The following TPTE variants were observed in gnomAD, a reference collection of about 807,000 sequenced individuals.
TPTE encodes the protein transmembrane phosphatase with tensin homology.
In TPTE, 59 loss-of-function variants were observed where a neutral mutation model predicts 84.1. That is an observed-to-expected ratio of 0.70 (90% CI 0.57 to 0.87). TPTE has a LOEUF of 0.87. TPTE is among the 40% of genes least tolerant of loss of function. The pLI is 0.00. For synonymous variants in TPTE, 130 were observed against 223.5 expected, an observed-to-expected ratio of 0.58 and a Z score of 3.73; for missense variants, 382 against 659.6, an observed-to-expected ratio of 0.58 and a Z score of 4.61.
chr21:10,594,357 A>G (rs1434600150), intron 19 of TPTE, among the ~76,000 whole-genome samples: 7 of 152,310 alleles, frequency 4.6e-5, no homozygotes, highest in Non-Finnish European at 7.3e-5. Flanking sequence ...ACTTTGCATC[A>G]TTCTCTAGTT....
At chr21:10,525,759 C>A (rs1045627271) in intron 2 of TPTE, among the ~76,000 whole-genome samples, 1 of 152,310 alleles carries the variant, frequency 6.6e-6, no homozygotes, top group African/African-American at 2.4e-5. Context: ...TATTCATGTC[C>A]CATGAGGGAA....
At chr21:10,552,041 C>CT (rs765772275) in intron 7 of TPTE, among the ~76,000 whole-genome samples, 498 of 152,166 alleles carry the variant, frequency 3.3e-3, no homozygotes, top group Non-Finnish European at 2.6e-3. Flanking sequence ...CTCAGCCACT[C>CT]TGACCATTGG....
chr21:10,576,403 G>A (rs2075150498), intron 14 of TPTE: 2 of 202,014 alleles, frequency 9.9e-6, no homozygotes, highest in South Asian at 7.7e-5. Context: ...GTCTCTTCAG[G>A]TGGAAGACAG....
intron 1 of TPTE, among the ~76,000 whole-genome samples, chr21:10,522,323 G>A (rs1452711149): frequency 1.3e-5 from 2 of 149,574 alleles, no homozygotes; most frequent in African/African-American, 4.9e-5. Context: ...GGGGTGCGGG[G>A]TTCCCTGAGT....
intron 20 of TPTE, among the ~76,000 whole-genome samples, chr21:10,597,370 G>A (rs554234931): frequency 6.6e-6 from 1 of 152,222 alleles, no homozygotes; most frequent in Non-Finnish European, 1.5e-5. Context: ...AGCAAGAAAG[G>A]TTGCAAAGGT....
chr21:10,559,169 T>G (rs1176348531), intron 8 of TPTE, among the ~76,000 whole-genome samples: 1 of 152,312 alleles, frequency 6.6e-6, no homozygotes, highest in East Asian at 1.9e-4. Flanking sequence ...TACCACCCTT[T>G]TCTGTCTTCA....
intron 7 of TPTE, among the ~76,000 whole-genome samples, chr21:10,550,189 A>T (rs1175949588): frequency 1.3e-5 from 2 of 152,308 alleles, no homozygotes; most frequent in East Asian, 3.8e-4. Context: ...GGAAGTAAAA[A>T]GATGATAACC....
chr21:10,535,270 T>C (rs2074247776), intron 3 of TPTE, among the ~76,000 whole-genome samples: 2 of 152,306 alleles, frequency 1.3e-5, no homozygotes, highest in Non-Finnish European at 2.9e-5. Context: ...ACCCATGAAA[T>C]GTGAATTAGA....
intron 14 of TPTE, among the ~76,000 whole-genome samples, chr21:10,571,013 TCAC>T (rs1283953459): frequency 1.3e-5 from 2 of 152,426 alleles, no homozygotes; most frequent in African/African-American, 4.8e-5. Flanking sequence ...CCCACCCCCT[TCAC>T]CAGCAGAGCC....
chr21:10,562,855 A>G (rs1474163462), intron 10 of TPTE, among the ~76,000 whole-genome samples: 1 of 152,310 alleles, frequency 6.6e-6, no homozygotes, highest in African/African-American at 2.4e-5. Context: ...AGGGATGGTA[A>G]CAGAACATCC....
chr21:10,572,004 CAAAAA>C (rs59120761), intron 14 of TPTE, among the ~76,000 whole-genome samples: 19 of 145,740 alleles, frequency 1.3e-4, no homozygotes, highest in East Asian at 1.2e-3. Context: ...TACCCTGTCT[CAAAAA>C]AAAAAAAAAA....
intron 21 of TPTE, among the ~76,000 whole-genome samples, chr21:10,599,445 T>A (rs1448905758): frequency 6.6e-6 from 1 of 152,308 alleles, no homozygotes; most frequent in Non-Finnish European, 1.5e-5. Context: ...ACACACTGTG[T>A]GCCTGTAGTC....
chr21:10,554,079 A>T lies in TPTE; in HGVS notation c.233+1363A>T, dbSNP rs556879225. On this transcript the variant is annotated intron_variant, in intron 8 of 23. Transcript: ENST00000618007. ...CTTTAAGCATATACTTTTTTTGTTT[A>T]CAGATATGAGACCATACTTATTCTT... Among the ~76,000 whole-genome samples the T allele has an allele frequency of 2.0e-5, 3 of 152,416 alleles. No homozygotes were observed. In the East Asian group the frequency reaches 5.8e-4, roughly 29 times the overall value.
chr21:10,542,681 A>C (rs2074392839), intron 6 of TPTE, among the ~76,000 whole-genome samples: 2 of 152,310 alleles, frequency 1.3e-5, no homozygotes, highest in Non-Finnish European at 2.9e-5. Context: ...ACATAGACCA[A>C]AGAGAAAGGA....
At chr21:10,559,622 C>T in intron 9 of TPTE, 78 bp downstream of exon 9, 5 of 1,607,330 alleles carry the variant, frequency 3.1e-6, no homozygotes, top group Admixed American at 3.3e-5. Context: ...ACCTGTAATC[C>T]CAGCACCCTG....
At chr21:10,595,472 C>T (rs2075564858) in intron 19 of TPTE, among the ~76,000 whole-genome samples, 1 of 152,308 alleles carries the variant, frequency 6.6e-6, no homozygotes, top group Non-Finnish European at 1.5e-5. Context: ...TCAGGGCTTC[C>T]TTGGGAAAAC....
intron 7 of TPTE, among the ~76,000 whole-genome samples, chr21:10,544,268 C>T (rs1011104525): frequency 1.3e-5 from 2 of 152,312 alleles, no homozygotes; most frequent in African/African-American, 2.4e-5. Flanking sequence ...TGTAGTTGCT[C>T]ATTAAGCAAT....
At chr21:10,580,065 T>C (rs2075244121) in intron 17 of TPTE, among the ~76,000 whole-genome samples, 1 of 152,418 alleles carries the variant, frequency 6.6e-6, no homozygotes, top group South Asian at 2.1e-4. Flanking sequence ...GGTGTGAGGA[T>C]ATCTCTTTGT....
intron 17 of TPTE, among the ~76,000 whole-genome samples, chr21:10,585,240 A>AC (rs2075341820): frequency 6.9e-6 from 1 of 145,674 alleles, no homozygotes; most frequent in African/African-American, 2.6e-5. Context: ...AAAAAATGAA[A>AC]CAAAAAAAAA....
Sources: gnomAD v4.1 joint callset for allele counts (sites outside exome capture counted in the v4.1 genomes callset) on GRCh38, gnomAD v4.1.1 for gene constraint, MANE v1.5 for transcripts, NCBI Gene and HGNC (gene_info 2026-07-23, HGNC 2026-07-21) for gene names.